NRP1: variants seen among roughly 807,000 people sequenced by gnomAD.
The protein encoded by NRP1 is neuropilin-1.
NRP1 carries 35 observed loss-of-function variants against 106.7 expected under a neutral mutation model. The ratio of observed to expected loss-of-function variants is 0.33; its 90% CI spans 0.25 to 0.43. NRP1 has a LOEUF of 0.43. NRP1 is among the 20% of genes least tolerant of loss of function. The pLI, the probability that NRP1 is intolerant of heterozygous loss-of-function variation, is 1.00. For synonymous variants in NRP1, 437 were observed against 417.9 expected, an observed-to-expected ratio of 1.05 and a Z score of -0.56; for missense variants, 1,024 against 1,170.4, an observed-to-expected ratio of 0.87 and a Z score of 1.83.
In NRP1 at chr10:33,275,937, A is replaced by C. The variant is rs78536739; in HGVS notation, c.249-5081T>G. Reference sequence around the variant, plus strand: ...AAATTAAAAACAAAACAAAACAAAAAAAACTCAACAAAAGTTTCTTAAATA... The same window carrying C: ...AAATTAAAAACAAAACAAAACAAAACAAACTCAACAAAAGTTTCTTAAATA... On this transcript the variant is annotated intron_variant, in intron 2 of 16. Coordinates refer to ENST00000374867, the MANE Select transcript of NRP1 (RefSeq NM_003873.7). Among the ~76,000 whole-genome samples, 67 of 152,238 alleles carry C rather than the reference A, an allele frequency of 4.4e-4. No individual in the cohort carries two copies. The East Asian group carries it at 0.012, about 27-fold the overall frequency.
intron 15 of NRP1, among the ~76,000 whole-genome samples, chr10:33,185,389 T>A (rs1411224362): frequency 1.3e-5 from 2 of 152,188 alleles, no homozygotes; most frequent in Non-Finnish European, 2.9e-5. Flanking sequence ...CTGCATTATT[T>A]GTGGAGTTTT....
intron 10 of NRP1, among the ~76,000 whole-genome samples, 188 bp downstream of exon 10, chr10:33,207,374 AAGACAAAAGT>A (rs1179264281): frequency 6.6e-6 from 1 of 152,042 alleles, no homozygotes; most frequent in Admixed American, 6.5e-5. Context: ...CAAACAACCC[AAGACAAAAGT>A]AGGACTGTGA....
chr10:33,286,799 G>A (rs918641825), intron 2 of NRP1, among the ~76,000 whole-genome samples: 11 of 151,312 alleles, frequency 7.3e-5, no homozygotes, highest in African/African-American at 2.7e-4. Context: ...TTTTCTCTCC[G>A]CCCCCCCACC....
At chr10:33,227,046 C>G (rs908663150) in intron 6 of NRP1, among the ~76,000 whole-genome samples, 29 of 152,132 alleles carry the variant, frequency 1.9e-4, no homozygotes, top group African/African-American at 6.5e-4. Context: ...GAGTTTGACT[C>G]TTTTTGTCCA....
At chr10:33,217,783 A>T (rs1227045772) in intron 8 of NRP1, among the ~76,000 whole-genome samples, 2 of 152,212 alleles carry the variant, frequency 1.3e-5, no homozygotes, top group Non-Finnish European at 1.5e-5. Context: ...TGGAAAGCTT[A>T]AGACCACTTC....
chr10:33,330,705 T>TA lies in NRP1; in HGVS notation c.248+2dup. 2 of 1,609,764 alleles carry TA rather than the reference T, an allele frequency of 1.2e-6. No homozygotes were observed. The highest frequency in any genetic ancestry group is 2.2e-5 in the East Asian group (1 of 44,806). On this transcript the variant is annotated splice_region_variant and intron_variant, in intron 2 of 16. Transcript: ENST00000374867. ...TGCCCTGTTCAAAAACATTCCCACT[T>TA]ACTTGCAGTCTCTGTCCTCCAAATC...
chr10:33,301,110 A>G (rs1223005500), intron 2 of NRP1, among the ~76,000 whole-genome samples: 1 of 152,094 alleles, frequency 6.6e-6, no homozygotes, highest in Non-Finnish European at 1.5e-5. Context: ...AAAACAACAC[A>G]AATGTTGTAT....
chr10:33,199,003 G>T (rs1228712911), intron 11 of NRP1, among the ~76,000 whole-genome samples: 1 of 152,084 alleles, frequency 6.6e-6, no homozygotes, highest in East Asian at 1.9e-4. Context: ...TATCTATTAA[G>T]ACTTAGCTTT....
intron 6 of NRP1, among the ~76,000 whole-genome samples, chr10:33,251,103 A>T (rs2133151312): frequency 6.6e-6 from 1 of 152,200 alleles, no homozygotes; most frequent in Admixed American, 6.5e-5. Flanking sequence ...GTGGGAGGTG[A>T]TTTGATCATG....
chr10:33,294,408 G>A (rs932928285), intron 2 of NRP1, among the ~76,000 whole-genome samples: 3 of 152,002 alleles, frequency 2.0e-5, no homozygotes, highest in Non-Finnish European at 2.9e-5. Context: ...TCCTGAGGTC[G>A]GGAGTTCGAG....
chr10:33,258,715 T>G (rs1231965541), intron 4 of NRP1, among the ~76,000 whole-genome samples: 1 of 152,238 alleles, frequency 6.6e-6, no homozygotes, highest in African/African-American at 2.4e-5. Flanking sequence ...TAATAGATTT[T>G]CTTCATTCTG....
At chr10:33,216,816 A>G (rs1268802688) in intron 8 of NRP1, among the ~76,000 whole-genome samples, 1 of 152,066 alleles carries the variant, frequency 6.6e-6, no homozygotes, top group South Asian at 2.1e-4. Flanking sequence ...TTCTTTGAGG[A>G]CACGAACTAA....
intron 2 of NRP1, among the ~76,000 whole-genome samples, chr10:33,303,983 T>G (rs915880326): frequency 6.6e-6 from 1 of 152,212 alleles, no homozygotes; most frequent in African/African-American, 2.4e-5. Flanking sequence ...AAATGTAGGT[T>G]CTGATTTTTT....
intron 9 of NRP1, among the ~76,000 whole-genome samples, chr10:33,211,035 G>A (rs1409438146): frequency 6.6e-6 from 1 of 152,152 alleles, no homozygotes; most frequent in African/African-American, 2.4e-5. Context: ...TGATAATGAT[G>A]GATAGAACCA....
intron 1 of NRP1, among the ~76,000 whole-genome samples, chr10:33,332,721 A>C: frequency 6.6e-6 from 1 of 152,220 alleles, no homozygotes; most frequent in East Asian, 1.9e-4. Flanking sequence ...CTGGTTACTC[A>C]GAGGAGGTGG....
intron 3 of NRP1, 99 bp downstream of exon 3, chr10:33,270,576 C>G (rs1843235924): frequency 9.9e-7 from 1 of 1,009,750 alleles, no homozygotes; most frequent in Admixed American, 2.7e-5. Context: ...ATCCACCTGC[C>G]TCGGCCTCCC....
chr10:33,264,860 G>A (rs1283064594), intron 3 of NRP1, among the ~76,000 whole-genome samples: 1 of 152,132 alleles, frequency 6.6e-6, no homozygotes, highest in Admixed American at 6.5e-5. Flanking sequence ...TGTAATGCCA[G>A]CACTTTGGGA....
At chr10:33,304,403 G>T (rs1846003402) in intron 2 of NRP1, among the ~76,000 whole-genome samples, 1 of 152,132 alleles carries the variant, frequency 6.6e-6, no homozygotes, top group African/African-American at 2.4e-5. Flanking sequence ...TGAGTTCTCT[G>T]TCAGTCAACC....
At chr10:33,261,749 T>C (rs1296482905) in intron 4 of NRP1, among the ~76,000 whole-genome samples, 2 of 152,210 alleles carry the variant, frequency 1.3e-5, no homozygotes, top group Non-Finnish European at 2.9e-5. Flanking sequence ...CTTATTCTTT[T>C]TTTTAAAACA....
Sources: allele counts gnomAD v4.1 joint callset (sites outside exome capture counted in the v4.1 genomes callset), GRCh38; gene constraint gnomAD v4.1.1; transcripts MANE v1.5; gene names NCBI Gene and HGNC (gene_info 2026-07-23, HGNC 2026-07-21).